Variants in ODAD1 observed in about 807,000 individuals in gnomAD.
ODAD1 encodes the protein outer dynein arm-docking complex subunit 1.
ODAD1 carries 49 observed loss-of-function variants against 67.2 expected under a neutral mutation model. The ratio of observed to expected loss-of-function variants is 0.73; its 90% CI spans 0.58 to 0.92. ODAD1 has a LOEUF of 0.92. Among genes scored for constraint, ODAD1 ranks in the 40% least tolerant of loss-of-function variants. The pLI is 0.00. For missense variants in ODAD1, 897 were observed against 953.7 expected (o/e 0.94, Z 0.78); for synonymous variants, 345 against 393.7 (o/e 0.88, Z 1.46).
At chr19:48,303,511 G>A (rs975470826) in intron 10 of ODAD1, 139 bp downstream of exon 10, 10 of 1,031,760 alleles carry the variant, frequency 9.7e-6, no homozygotes, top group African/African-American at 1.6e-5. Context: ...GGACGCGGGC[G>A]GCGGGTCCCA....
rs1968350434 is a variant in ODAD1, at chr19:48,297,983, C to T, written c.1502+17G>A. 3.1e-6 allele frequency: 5 copies of T among 1,602,192 alleles called. No individual in the cohort carries two copies. Among genetic ancestry groups the T allele is most frequent in the African/African-American group, 1.3e-5 (1 of 74,644 alleles). ...GAAGCCCCGTCCCCTCTGCGTCCCT[C>T]CTGCCCTGCGCCTCACAGAGTGTCA... On this transcript the variant is annotated intron_variant, in intron 14 of 15. Coordinates refer to ENST00000674294, the MANE Select transcript of ODAD1 (RefSeq NM_001364171.2).
Position 48,304,008 on chromosome 19 carries a change from G to A in ODAD1, c.798C>T (p.Leu266=), listed in dbSNP as rs138256591. 3 of 1,614,110 alleles carry A rather than the reference G, an allele frequency of 1.9e-6. No homozygotes were observed. The highest frequency in any genetic ancestry group is 2.5e-6 in the Non-Finnish European group (3 of 1,180,042). ...HLEQLHHFLK[L]KNNDRQPDPD... is the part of the protein sequence containing the mutation. ...GATCCGGCTGCCGGTCGTTGTTCTT[G>A]AGCTTGAGGAAGTGGTGCAGCTGCT... is the stretch of plus-strand genomic sequence containing the variant. Residue 266 remains leucine (L), a synonymous_variant, in exon 9 of 16, where the codon CTC becomes CTT. Coordinates refer to ENST00000674294, the MANE Select transcript of ODAD1 (RefSeq NM_001364171.2).
In ODAD1 at chr19:48,321,966, G is replaced by A. The variant is rs1600879014; in HGVS notation, c.-352C>T. 2 of 389,274 alleles carry A rather than the reference G, an allele frequency of 5.1e-6. No individual in the cohort carries two copies. Among genetic ancestry groups the A allele is most frequent in the Admixed American group, 4.5e-5 (1 of 22,340 alleles). The allele number at this position is 389,274 out of a possible 1,614,324, so 24.1% of individuals were successfully genotyped here. A position where few individuals can be genotyped will look rare whatever the true frequency, so the allele number is the denominator to read the frequency against. On this transcript the variant is annotated 5_prime_UTR_variant, in exon 1 of 16. Coordinates refer to ENST00000674294, the MANE Select transcript of ODAD1 (RefSeq NM_001364171.2). ...CCGCCTACCACGTCCGCGCGCTGGA[G>A]GGCGGAAGTGGGTGAGACCTCGGGC...
chr19:48,320,700 A>C (rs1600877744), intron 2 of ODAD1, 72 bp downstream of exon 2: 1 of 169,718 alleles, frequency 5.9e-6, no homozygotes, highest in South Asian at 1.0e-4. Context: ...AGAGGGGGAA[A>C]CCCCGGCCTG....
intron 10 of ODAD1, 41 bp downstream of exon 10, chr19:48,303,609 G>C: frequency 6.2e-7 from 1 of 1,612,432 alleles, no homozygotes; most frequent in African/African-American, 1.3e-5. Flanking sequence ...AGGGGGTGCC[G>C]GGGTCCCGGG....
intron 5 of ODAD1, among the ~76,000 whole-genome samples, chr19:48,317,163 T>C (rs911349085): frequency 1.3e-5 from 2 of 151,970 alleles, no homozygotes; most frequent in African/African-American, 2.4e-5. Flanking sequence ...GTTTTTTCAA[T>C]GAAGGCTAGA....
chr19:48,306,214 G>C, intron 8 of ODAD1, 42 bp downstream of exon 8: 1 of 1,551,044 alleles, frequency 6.4e-7, no homozygotes, highest in Non-Finnish European at 8.7e-7. Flanking sequence ...TGCGTCCTGA[G>C]TCATCTGGGT....
chr19:48,313,310 C>T (rs983961768), intron 5 of ODAD1, among the ~76,000 whole-genome samples: 1 of 151,836 alleles, frequency 6.6e-6, no homozygotes, highest in South Asian at 2.1e-4. Flanking sequence ...CACCTGTAAT[C>T]CCAGCTACTC....
At position 48,321,961 on chromosome 19, in the gene ODAD1, C is replaced by G; in HGVS notation, c.-347G>C. On this transcript the variant is annotated 5_prime_UTR_variant, in exon 1 of 16. Coordinates refer to ENST00000674294, the MANE Select transcript of ODAD1 (RefSeq NM_001364171.2). ...CTTGGCCGCCTACCACGTCCGCGCG[C>G]TGGAGGGCGGAAGTGGGTGAGACCT... 2.6e-6 allele frequency: 1 copy of G among 391,528 alleles called. No homozygotes were observed. The allele number at this position is 391,528 out of a possible 1,614,324, so 24.3% of individuals were successfully genotyped here.
Position 48,298,050 on chromosome 19 carries a change from G to C in ODAD1, c.1452C>G (p.Ser484Arg), listed in dbSNP as rs1337596567. The C allele has an allele frequency of 2.5e-6, 4 of 1,613,290 alleles. No individual in the cohort carries two copies. In the South Asian group the frequency reaches 3.3e-5, roughly 13 times the overall value. The change falls in exon 14 of 16, where the codon AGC becomes AGG. Residue 484 changes from serine to arginine, a missense_variant. Coordinates refer to ENST00000674294, the MANE Select transcript of ODAD1 (RefSeq NM_001364171.2). ...CCATCTTCTTCGGAAGGTCCTCCAG[G>C]CTCTGGCCCAGCACTAGGAGGGCAG... ...ADAALLVLGQ[S>R]LEDLPKKMAP...
intron 8 of ODAD1, among the ~76,000 whole-genome samples, chr19:48,304,662 C>T (rs1253248272): frequency 1.3e-5 from 2 of 151,424 alleles, no homozygotes; most frequent in Admixed American, 6.6e-5. Context: ...AAGAGTGCGA[C>T]ATCATATTAG....
intron 7 of ODAD1, among the ~76,000 whole-genome samples, chr19:48,308,241 C>T (rs1458659175): frequency 1.3e-5 from 2 of 151,556 alleles, no homozygotes; most frequent in Admixed American, 6.6e-5. Context: ...ATGGCACAAT[C>T]TTGGCTCACT....
chr19:48,302,997 G>A lies in ODAD1; in HGVS notation c.1071+16C>T. ...CGGGAGGAGAGGAGGAGATGGAGAG[G>A]GCAGGCCTCACTCACCTCCTTGATC... is the stretch of plus-strand genomic sequence containing the variant. On this transcript the variant is annotated intron_variant, in intron 11 of 15. Coordinates refer to ENST00000674294, the MANE Select transcript of ODAD1 (RefSeq NM_001364171.2). The A allele has an allele frequency of 6.2e-7, 1 of 1,611,272 alleles. No individual in the cohort carries two copies. Among genetic ancestry groups the A allele is most frequent in the Middle Eastern group, 1.7e-4 (1 of 6,058 alleles).
intron 8 of ODAD1, 76 bp from the exon 9 acceptor site, chr19:48,304,216 T>C: frequency 6.9e-7 from 1 of 1,441,798 alleles, no homozygotes; most frequent in South Asian, 1.3e-5. Flanking sequence ...ATGGGCGGGG[T>C]CAGCCAGAGG....
chr19:48,308,310 G>T (rs546090520), intron 7 of ODAD1, among the ~76,000 whole-genome samples: 94 of 152,070 alleles, frequency 6.2e-4, no homozygotes, highest in African/African-American at 2.1e-3. Context: ...AAGTAGCTGG[G>T]ATTACAGGCG....
At chr19:48,318,866 C>G (rs1352943963) in intron 3 of ODAD1, 54 bp from the exon 4 acceptor site, 1 of 1,143,974 alleles carries the variant, frequency 8.7e-7, no homozygotes, top group Non-Finnish European at 1.3e-6. Flanking sequence ...ACCAGCTCCT[C>G]CCAACCCAGG....
At chr19:48,314,993 A>C (rs184570204) in intron 5 of ODAD1, among the ~76,000 whole-genome samples, 132 of 152,200 alleles carry the variant, frequency 8.7e-4, no homozygotes, top group Non-Finnish European at 1.5e-3. Context: ...ACTGGGGGAA[A>C]ATGCAGCAAA....
At chr19:48,309,747 A>G (rs1309322407) in intron 7 of ODAD1, among the ~76,000 whole-genome samples, 1 of 152,142 alleles carries the variant, frequency 6.6e-6, no homozygotes, top group African/African-American at 2.4e-5. Flanking sequence ...GTCTCAGAGA[A>G]TCTCCCCACA....
chr19:48,302,621 A>C (rs1968495600), intron 12 of ODAD1, 73 bp downstream of exon 12: 1 of 1,350,354 alleles, frequency 7.4e-7, no homozygotes, highest in South Asian at 1.3e-5. Context: ...CAATGCCTCC[A>C]AGCCCCGCGG....
Sources: gnomAD v4.1 joint callset for allele counts (sites outside exome capture counted in the v4.1 genomes callset) on GRCh38, gnomAD v4.1.1 for gene constraint, MANE v1.5 for transcripts, NCBI Gene and HGNC (gene_info 2026-07-23, HGNC 2026-07-21) for gene names.